RPH3A: variants seen among roughly 807,000 people sequenced by gnomAD.
RPH3A encodes rabphilin-3A.
In RPH3A, 48 loss-of-function variants were observed where a neutral mutation model predicts 102.2. The observed-to-expected ratio is 0.47, with a 90% CI of 0.37 to 0.60. The LOEUF (loss-of-function observed/expected upper bound fraction) is 0.60. RPH3A is among the 20% of genes least tolerant of loss of function. RPH3A has a pLI of 0.00. For missense variants in RPH3A, 781 were observed against 910.1 expected (o/e 0.86, Z 1.83); for synonymous variants, 310 against 324.3 (o/e 0.96, Z 0.47).
rs2042667379 is a variant in RPH3A, at chr12:112,869,466, A to G, written c.611-293A>G. On this transcript the variant is annotated intron_variant, in intron 8 of 21. Transcript: ENST00000389385. ...TATATTGCATCCCTGAGGAGTCCCC[A>G]GTTTTCACCACTAAAATACTCCTTC... 8 of 360,972 alleles carry G rather than the reference A, an allele frequency of 2.2e-5. No individual in the cohort carries two copies. In the East Asian group the frequency reaches 4.1e-4, roughly 19 times the overall value. 22.4% of individuals were successfully genotyped at this position (360,972 alleles called of 1,614,324 possible).
At chr12:112,834,008 A>G (rs531791519) in intron 3 of RPH3A, among the ~76,000 whole-genome samples, 6 of 152,292 alleles carry the variant, frequency 3.9e-5, no homozygotes, top group African/African-American at 1.4e-4. Flanking sequence ...AATTAATGGC[A>G]TGAGCCACCA....
At chr12:112,862,335 G>A (rs1420125229) in intron 5 of RPH3A, among the ~76,000 whole-genome samples, 4 of 152,170 alleles carry the variant, frequency 2.6e-5, no homozygotes, top group Non-Finnish European at 4.4e-5. Flanking sequence ...AAGTCAGGAG[G>A]TTAGTGCTGC....
At chr12:112,670,863 C>T (rs1295861274) in intron 1 of RPH3A, among the ~76,000 whole-genome samples, 1 of 152,166 alleles carries the variant, frequency 6.6e-6, no homozygotes, top group African/African-American at 2.4e-5. Context: ...CAAAACAAGA[C>T]ACGAGGCCAG....
intron 1 of RPH3A, among the ~76,000 whole-genome samples, chr12:112,605,923 A>G (rs1169870948): frequency 6.6e-6 from 1 of 152,178 alleles, no homozygotes; most frequent in Non-Finnish European, 1.5e-5. Context: ...GGTCTGTTCA[A>G]TTTATCCTTT....
chr12:112,666,238 T>C (rs2040082741), intron 1 of RPH3A, among the ~76,000 whole-genome samples: 1 of 152,334 alleles, frequency 6.6e-6, no homozygotes, highest in South Asian at 2.1e-4. Flanking sequence ...AGCTTATGTC[T>C]TTTTTCCTCT....
At chr12:112,764,287 A>G (rs906179062) in intron 1 of RPH3A, among the ~76,000 whole-genome samples, 2 of 152,212 alleles carry the variant, frequency 1.3e-5, no homozygotes, top group Non-Finnish European at 2.9e-5. Flanking sequence ...AGAATGGCCA[A>G]AAACGAGTTA....
intron 17 of RPH3A, 101 bp from the exon 18 acceptor site, chr12:112,889,921 GGC>G: frequency 9.6e-7 from 1 of 1,038,680 alleles, no homozygotes; most frequent in South Asian, 1.4e-5. Flanking sequence ...CCACTTTCAT[GGC>G]TCTGGATGGT....
rs143083569 is a variant in RPH3A, at chr12:112,873,382, G to T, written c.797-1702G>T. Among the ~76,000 whole-genome samples the T allele has an allele frequency of 4.6e-5, 7 of 152,292 alleles. No individual in the cohort carries two copies. In the East Asian group the frequency reaches 1.4e-3, roughly 29 times the overall value. ...CGTGCAGAGCCAATGCTCCTAGCTG[G>T]TCTGTTACAAGTTCCACTTGAGGGA... On this transcript the variant is annotated intron_variant, in intron 10 of 21. Coordinates refer to ENST00000389385, the MANE Select transcript of RPH3A (RefSeq NM_001143854.2).
chr12:112,878,973 A>G, intron 13 of RPH3A, 146 bp from the exon 14 acceptor site: 3 of 714,108 alleles, frequency 4.2e-6, no homozygotes, highest in Non-Finnish European at 7.5e-6. Context: ...GTCTACCAAG[A>G]TGAGGAACTC....
intron 1 of RPH3A, among the ~76,000 whole-genome samples, chr12:112,667,162 A>T (rs1389447901): frequency 1.3e-5 from 2 of 152,064 alleles, no homozygotes; most frequent in Non-Finnish European, 2.9e-5. Flanking sequence ...TCTCTGCTTT[A>T]TCTCTCTTCC....
intron 1 of RPH3A, among the ~76,000 whole-genome samples, chr12:112,662,351 A>G (rs1277378619): frequency 6.6e-6 from 1 of 152,202 alleles, no homozygotes; most frequent in Non-Finnish European, 1.5e-5. Context: ...ATACATTTAT[A>G]TATCCATCCA....
intron 2 of RPH3A, among the ~76,000 whole-genome samples, chr12:112,794,366 GT>G (rs748993215): frequency 1.3e-5 from 2 of 152,240 alleles, no homozygotes; most frequent in South Asian, 2.1e-4. Flanking sequence ...TCTAGGAAGG[GT>G]TAGCACTGTG....
intron 1 of RPH3A, among the ~76,000 whole-genome samples, chr12:112,661,872 C>T (rs953249253): frequency 5.9e-5 from 9 of 152,122 alleles, no homozygotes; most frequent in African/African-American, 2.2e-4. Context: ...ACCCACCCCC[C>T]AAATAAAAGG....
intron 1 of RPH3A, among the ~76,000 whole-genome samples, chr12:112,768,648 A>G (rs950589662): frequency 6.6e-6 from 1 of 152,178 alleles, no homozygotes; most frequent in Non-Finnish European, 1.5e-5. Flanking sequence ...TACAGTGGCT[A>G]ATGCCTATAA....
chr12:112,667,551 A>T (rs1220307124), intron 1 of RPH3A, among the ~76,000 whole-genome samples: 2 of 152,064 alleles, frequency 1.3e-5, no homozygotes, highest in Non-Finnish European at 2.9e-5. Flanking sequence ...GACAAGTTAT[A>T]TATAAAGGGA....
At chr12:112,621,084 C>T (rs1171262767) in intron 1 of RPH3A, among the ~76,000 whole-genome samples, 2 of 151,438 alleles carry the variant, frequency 1.3e-5, no homozygotes, top group African/African-American at 2.4e-5. Flanking sequence ...CTCAAGCAAT[C>T]CTTGTGCCTT....
chr12:112,708,275 G>A (rs567560790), intron 1 of RPH3A, among the ~76,000 whole-genome samples: 53 of 152,254 alleles, frequency 3.5e-4, no homozygotes, highest in African/African-American at 4.3e-4. Flanking sequence ...TGTAATTCTC[G>A]TTAACCCTGT....
chr12:112,642,794 A>C (rs1466539936), intron 1 of RPH3A, among the ~76,000 whole-genome samples: 1 of 152,192 alleles, frequency 6.6e-6, no homozygotes, highest in Non-Finnish European at 1.5e-5. Context: ...TCGATTGTTT[A>C]ATTTAATCCT....
chr12:112,679,037 A>ACCTG (rs1252935605), intron 1 of RPH3A, among the ~76,000 whole-genome samples: 1 of 152,014 alleles, frequency 6.6e-6, no homozygotes, highest in Admixed American at 6.6e-5. Flanking sequence ...CCATGGACCA[A>ACCTG]CCTGCCCCCC....
Sources: gnomAD v4.1 joint callset for allele counts (sites outside exome capture counted in the v4.1 genomes callset) on GRCh38, gnomAD v4.1.1 for gene constraint, MANE v1.5 for transcripts, NCBI Gene and HGNC (gene_info 2026-07-23, HGNC 2026-07-21) for gene names.